Variants in RNF157 observed in about 807,000 individuals in gnomAD.
RNF157 encodes the protein E3 ubiquitin ligase RNF157.
In RNF157, 55 loss-of-function variants were observed where a neutral mutation model predicts 88.3. The observed-to-expected ratio is 0.62, with a 90% CI of 0.50 to 0.78. The LOEUF is 0.78. Ranked by LOEUF, RNF157 falls within the 30% of genes least tolerant of loss-of-function variation. RNF157 has a pLI of 0.00. For missense variants in RNF157, 788 were observed against 860.8 expected, an observed-to-expected ratio of 0.92 and a Z score of 1.06; for synonymous variants, 334 against 341.2, an observed-to-expected ratio of 0.98 and a Z score of 0.23.
intron 1 of RNF157, among the ~76,000 whole-genome samples, chr17:76,221,091 A>G (rs2069975775): frequency 6.6e-6 from 1 of 152,322 alleles, no homozygotes; most frequent in East Asian, 1.9e-4. Context: ...ACTGCACTCC[A>G]GCCTGGGCAA....
intron 1 of RNF157, among the ~76,000 whole-genome samples, chr17:76,238,107 A>C (rs1017303286): frequency 2.0e-5 from 3 of 152,054 alleles, no homozygotes; most frequent in African/African-American, 7.2e-5. Context: ...AAAAAAATTA[A>C]ACATTAGCTA....
At chr17:76,218,531 G>A (rs1354448508) in intron 1 of RNF157, among the ~76,000 whole-genome samples, 1 of 152,120 alleles carries the variant, frequency 6.6e-6, no homozygotes, top group African/African-American at 2.4e-5. Flanking sequence ...TGTGGTCCTA[G>A]ATACTCGGGA....
chr17:76,211,199 G>C lies in RNF157; in HGVS notation c.207+1165C>G, dbSNP rs573957694. ...CTCTGTATCCACAGCGCCTATCACA[G>C]TACCTGACACGCAGTAGTTGCTCAG... On this transcript the variant is annotated intron_variant, in intron 2 of 18. Coordinates refer to ENST00000269391, the MANE Select transcript of RNF157 (RefSeq NM_052916.3). Among the ~76,000 whole-genome samples the C allele has an allele frequency of 2.6e-5, 4 of 152,328 alleles. No homozygotes were observed. The East Asian group carries it at 7.7e-4, about 29-fold the overall frequency.
intron 3 of RNF157, among the ~76,000 whole-genome samples, chr17:76,170,288 T>C (rs998312836): frequency 6.6e-6 from 1 of 152,022 alleles, no homozygotes; most frequent in Non-Finnish European, 1.5e-5. Flanking sequence ...AGTGCAGTGC[T>C]GTGATCGTGA....
At chr17:76,236,398 T>C (rs2070282888) in intron 1 of RNF157, among the ~76,000 whole-genome samples, 1 of 152,234 alleles carries the variant, frequency 6.6e-6, no homozygotes, top group African/African-American at 2.4e-5. Flanking sequence ...ATGAGCTTCA[T>C]AAAAGCAACC....
intron 1 of RNF157, among the ~76,000 whole-genome samples, chr17:76,233,934 A>G (rs1413523724): frequency 6.6e-6 from 1 of 152,218 alleles, no homozygotes; most frequent in African/African-American, 2.4e-5. Flanking sequence ...ACCGTGTTAT[A>G]CAACTATTCA....
In RNF157 at chr17:76,145,040, G is replaced by A. The variant is rs1474311623; in HGVS notation, c.*195C>T. 5.6e-6 allele frequency: 3 copies of A among 539,256 alleles called. No individual in the cohort carries two copies. The highest frequency in any genetic ancestry group is 9.9e-6 in the Non-Finnish European group (3 of 304,000). The allele number at this position is 539,256 out of a possible 1,614,324, so 33.4% of individuals were successfully genotyped here. ...TCTCGTGAGCTGCAGTTCATTGAGT[G>A]GCTTTAGGTCACACGGAGAAAGGAG... On this transcript the variant is annotated 3_prime_UTR_variant, in exon 19 of 19. Coordinates refer to ENST00000269391, the MANE Select transcript of RNF157 (RefSeq NM_052916.3).
intron 2 of RNF157, among the ~76,000 whole-genome samples, chr17:76,193,622 G>A (rs1474781802): frequency 6.6e-6 from 1 of 151,752 alleles, no homozygotes; most frequent in East Asian, 1.9e-4. Flanking sequence ...AGGATCACTA[G>A]GGAAATGGAA....
At chr17:76,221,709 G>A (rs1263444421) in intron 1 of RNF157, among the ~76,000 whole-genome samples, 1 of 152,062 alleles carries the variant, frequency 6.6e-6, no homozygotes, top group African/African-American at 2.4e-5. Flanking sequence ...TAAATCATAT[G>A]GGTTCACAGA....
At chr17:76,204,206 C>T (rs981351797) in intron 2 of RNF157, among the ~76,000 whole-genome samples, 14 of 152,038 alleles carry the variant, frequency 9.2e-5, no homozygotes, top group African/African-American at 3.4e-4. Flanking sequence ...AAGCACACTT[C>T]TGCATCTTTA....
At position 76,158,474 on chromosome 17, in the gene RNF157, C is replaced by T; in HGVS notation, c.1332G>A (p.Leu444=). The change falls in exon 13 of 19, where the codon CTG becomes CTA. Residue 444 remains leucine, a synonymous_variant. Coordinates refer to ENST00000269391, the MANE Select transcript of RNF157 (RefSeq NM_052916.3). ...SKSTSQNSSV[L]HEEEDEHSCS... ...AGGAATGCTCATCTTCCTCTTCATG[C>T]AGCACGGAAGAGTTTTGGGAAGTGG... 2 of 1,613,726 alleles carry T rather than the reference C, an allele frequency of 1.2e-6. No individual in the cohort carries two copies. The highest frequency in any genetic ancestry group is 1.7e-6 in the Non-Finnish European group (2 of 1,179,684).
intron 18 of RNF157, among the ~76,000 whole-genome samples, chr17:76,151,135 G>A (rs1025220377): frequency 3.3e-5 from 5 of 152,210 alleles, no homozygotes; most frequent in African/African-American, 1.2e-4. Flanking sequence ...CCTCCTCCAC[G>A]CTCAGGCAGG....
intron 2 of RNF157, among the ~76,000 whole-genome samples, chr17:76,190,351 G>C (rs2144940970): frequency 6.6e-6 from 1 of 152,092 alleles, no homozygotes; most frequent in African/African-American, 2.4e-5. Context: ...ATTTTTAGTA[G>C]AGACGGAGTT....
chr17:76,209,875 T>G (rs1256505849), intron 2 of RNF157, among the ~76,000 whole-genome samples: 1 of 152,192 alleles, frequency 6.6e-6, no homozygotes, highest in Non-Finnish European at 1.5e-5. Flanking sequence ...TTCTCCTGCC[T>G]CAGCCTCCTG....
At chr17:76,155,440 T>C (rs979379728) in intron 15 of RNF157, 122 bp downstream of exon 15, 1 of 1,445,286 alleles carries the variant, frequency 6.9e-7, no homozygotes, top group East Asian at 2.3e-5. Flanking sequence ...TGCCTTGTTT[T>C]CTGCAGCACT....
At chr17:76,166,053 C>T (rs1381610909) in intron 6 of RNF157, among the ~76,000 whole-genome samples, 1 of 151,782 alleles carries the variant, frequency 6.6e-6, no homozygotes, top group African/African-American at 2.4e-5. Flanking sequence ...CGGCTCACTG[C>T]AACCTCCGCC....
chr17:76,213,589 G>T (rs1354112630), intron 1 of RNF157, among the ~76,000 whole-genome samples: 14 of 142,186 alleles, frequency 9.8e-5, no homozygotes, highest in African/African-American at 3.6e-4. Flanking sequence ...AAAAAAAAAT[G>T]CTTGGAATAT....
At chr17:76,147,134 T>G (rs906190613) in intron 18 of RNF157, 11 of 985,306 alleles carry the variant, frequency 1.1e-5, no homozygotes, top group Non-Finnish European at 1.3e-5. Flanking sequence ...GTGTTTTTTT[T>G]CACCTCTAAT....
chr17:76,236,874 G>GC lies in RNF157; in HGVS notation c.88+3278_88+3279insG, dbSNP rs201169092. ...CTGAAAGCAAACAGAGCAAGGTGTAGAACAGTCTAATAGCATGCTATGCTT... is the reference window on the plus strand; with the variant it reads ...CTGAAAGCAAACAGAGCAAGGTGTAGCAACAGTCTAATAGCATGCTATGCTT... On this transcript the variant is annotated intron_variant, in intron 1 of 18. Coordinates refer to ENST00000269391, the MANE Select transcript of RNF157 (RefSeq NM_052916.3). 2.3e-3 allele frequency among the ~76,000 whole-genome samples: 350 copies of GC among 152,304 alleles called. 4 individuals are homozygous for GC. Among genetic ancestry groups the GC allele is most frequent in the African/African-American group, 8.0e-3 (332 of 41,568 alleles).
Sources: gnomAD v4.1 joint callset for allele counts (sites outside exome capture counted in the v4.1 genomes callset) on GRCh38, gnomAD v4.1.1 for gene constraint, MANE v1.5 for transcripts, NCBI Gene and HGNC (gene_info 2026-07-23, HGNC 2026-07-21) for gene names.